RXFP1: variants seen among roughly 807,000 people sequenced by gnomAD.
RXFP1 encodes relaxin receptor 1.
Under a neutral mutation model 89.8 loss-of-function variants are expected in RXFP1, and 73 were observed. The observed-to-expected ratio is 0.81, with a 90% CI of 0.67 to 0.99. RXFP1 has a LOEUF of 0.99. RXFP1 is among the 50% of genes least tolerant of loss of function. RXFP1 has a pLI of 0.00. For synonymous variants in RXFP1, 277 were observed against 305.5 expected (o/e 0.91, Z 0.97); for missense variants, 793 against 895.5 (o/e 0.89, Z 1.46).
At chr4:158,525,633 A>G (rs1186341475) in intron 1 of RXFP1, among the ~76,000 whole-genome samples, 1 of 152,142 alleles carries the variant, frequency 6.6e-6, no homozygotes, top group Non-Finnish European at 1.5e-5. Context: ...AGACCATTTG[A>G]TTTCAATCCT....
intron 1 of RXFP1, among the ~76,000 whole-genome samples, chr4:158,553,356 T>C (rs1750578717): frequency 6.6e-6 from 1 of 152,208 alleles, no homozygotes; most frequent in East Asian, 1.9e-4. Flanking sequence ...ACAGCATGTT[T>C]TCAGGGGCTA....
Position 158,573,498 on chromosome 4 carries a change from AT to A in RXFP1, c.187+673del, listed in dbSNP as rs796981854. 2.5e-3 allele frequency among the ~76,000 whole-genome samples: 377 copies of A among 149,760 alleles called. 1 individual carries two copies. Among genetic ancestry groups the A allele is most frequent in the African/African-American group, 4.9e-3 (201 of 40,944 alleles). ...TTGAAAGCATTAGATTTTTTTTGTG[AT>A]TTTTTTTTTAAGCTCATCAGCTATC... is the stretch of plus-strand genomic sequence containing the variant. On this transcript the variant is annotated intron_variant, in intron 2 of 17. Coordinates refer to ENST00000307765, the MANE Select transcript of RXFP1 (RefSeq NM_021634.4).
intron 1 of RXFP1, among the ~76,000 whole-genome samples, chr4:158,536,881 G>C (rs1745392079): frequency 6.6e-6 from 1 of 151,948 alleles, no homozygotes; most frequent in Non-Finnish European, 1.5e-5. Context: ...ATACACTTTG[G>C]AGTTGCAATA....
chr4:158,577,896 ATAAT>A (rs1756572304), intron 2 of RXFP1, among the ~76,000 whole-genome samples: 1 of 152,190 alleles, frequency 6.6e-6, no homozygotes, highest in Non-Finnish European at 1.5e-5. Context: ...AAACCCATAA[ATAAT>A]TAATTTCCCT....
intron 1 of RXFP1, among the ~76,000 whole-genome samples, chr4:158,567,987 A>G (rs1424796127): frequency 6.6e-6 from 1 of 152,212 alleles, no homozygotes; most frequent in Non-Finnish European, 1.5e-5. Flanking sequence ...TATGAGATGT[A>G]ACACTCACCT....
At chr4:158,600,790 G>T (rs2150094564) in intron 4 of RXFP1, among the ~76,000 whole-genome samples, 1 of 151,494 alleles carries the variant, frequency 6.6e-6, no homozygotes, top group South Asian at 2.1e-4. Flanking sequence ...TCAAGCCACT[G>T]CACTCCAGCC....
At chr4:158,629,460 A>G (rs1313443134) in intron 11 of RXFP1, among the ~76,000 whole-genome samples, 1 of 152,220 alleles carries the variant, frequency 6.6e-6, no homozygotes, top group African/African-American at 2.4e-5. Context: ...AATGCCAATG[A>G]CATAATTCTA....
At chr4:158,572,461 A>C (rs1038858413) in intron 1 of RXFP1, among the ~76,000 whole-genome samples, 25 of 152,114 alleles carry the variant, frequency 1.6e-4, no homozygotes, top group African/African-American at 5.8e-4. Context: ...ATGGAGAGGC[A>C]CTCCGGGTGG....
intron 2 of RXFP1, 174 bp downstream of exon 2, chr4:158,573,009 C>A (rs1306947769): frequency 6.9e-6 from 7 of 1,008,758 alleles, no homozygotes; most frequent in Non-Finnish European, 9.4e-6. Context: ...CTTTTCTTTT[C>A]TTGTTTTTGT....
intron 14 of RXFP1, among the ~76,000 whole-genome samples, chr4:158,640,628 T>TGTGACC: frequency 1.3e-5 from 2 of 152,236 alleles, no homozygotes; most frequent in East Asian, 3.9e-4. Context: ...TCATGAGGGA[T>TGTGACC]CTACCCCATG....
At chr4:158,632,685 G>A (rs1768300868) in intron 11 of RXFP1, among the ~76,000 whole-genome samples, 1 of 152,136 alleles carries the variant, frequency 6.6e-6, no homozygotes, top group Non-Finnish European at 1.5e-5. Flanking sequence ...GATAATATGA[G>A]AGCCTGTGTA....
chr4:158,557,074 T>G (rs1023588713), intron 1 of RXFP1, among the ~76,000 whole-genome samples: 1 of 152,160 alleles, frequency 6.6e-6, no homozygotes, highest in Non-Finnish European at 1.5e-5. Flanking sequence ...GAAGAGAGGC[T>G]TTTGAATGTT....
At chr4:158,644,269 A>G (rs1360577928) in intron 14 of RXFP1, among the ~76,000 whole-genome samples, 1 of 151,880 alleles carries the variant, frequency 6.6e-6, no homozygotes, top group Non-Finnish European at 1.5e-5. Context: ...GATGGTCTCA[A>G]TATCCTGACC....
intron 1 of RXFP1, among the ~76,000 whole-genome samples, chr4:158,535,183 A>G (rs1745009244): frequency 6.6e-6 from 1 of 152,068 alleles, no homozygotes; most frequent in African/African-American, 2.4e-5. Context: ...AGGAAAGGAC[A>G]TGGCAGGCTC....
intron 14 of RXFP1, 68 bp downstream of exon 14, chr4:158,639,399 C>T: frequency 1.2e-6 from 1 of 864,616 alleles, no homozygotes; most frequent in South Asian, 1.4e-5. Context: ...TATGATAATG[C>T]ATCCAATCTA....
At chr4:158,532,755 G>A (rs1744369663) in intron 1 of RXFP1, among the ~76,000 whole-genome samples, 1 of 152,138 alleles carries the variant, frequency 6.6e-6, no homozygotes, top group Non-Finnish European at 1.5e-5. Flanking sequence ...GCCCTCAAGT[G>A]TCCTTCCTCA....
chr4:158,545,340 T>C (rs1274524209), intron 1 of RXFP1, among the ~76,000 whole-genome samples: 1 of 152,252 alleles, frequency 6.6e-6, no homozygotes, highest in Non-Finnish European at 1.5e-5. Flanking sequence ...TTGTAGATTC[T>C]GGATATTAGC....
chr4:158,639,561 G>T (rs1195873411), intron 14 of RXFP1, among the ~76,000 whole-genome samples: 2 of 152,174 alleles, frequency 1.3e-5, no homozygotes, highest in Non-Finnish European at 2.9e-5. Flanking sequence ...TCATGAGTGG[G>T]ATTAGTGCCC....
chr4:158,593,835 T>A (rs902730544), intron 3 of RXFP1, among the ~76,000 whole-genome samples: 4 of 152,218 alleles, frequency 2.6e-5, no homozygotes, highest in Admixed American at 6.5e-5. Context: ...TAAAGTGTGA[T>A]GTAAAGAAAA....
Sources: gnomAD v4.1 joint callset for allele counts (sites outside exome capture counted in the v4.1 genomes callset) on GRCh38, gnomAD v4.1.1 for gene constraint, MANE v1.5 for transcripts, NCBI Gene and HGNC (gene_info 2026-07-23, HGNC 2026-07-21) for gene names.